Variants in PLXNB1 observed in about 807,000 individuals in gnomAD.
PLXNB1 encodes the protein plexin-B1.
In PLXNB1, 106 loss-of-function variants were observed where a neutral mutation model predicts 209.4. The observed-to-expected ratio is 0.51, with a 90% CI of 0.43 to 0.59. PLXNB1 has a LOEUF of 0.59. Ranked by LOEUF, PLXNB1 falls within the 20% of genes least tolerant of loss-of-function variation. PLXNB1 has a pLI of 0.00. For missense variants in PLXNB1, 2,357 were observed against 2,853.2 expected, an observed-to-expected ratio of 0.83 and a Z score of 3.96; for synonymous variants, 1,167 against 1,183.2, an observed-to-expected ratio of 0.99 and a Z score of 0.28.
In PLXNB1 at chr3:48,420,879, C is replaced by T; in HGVS notation, c.1888G>A (p.Val630Met). 2 of 1,614,080 alleles carry T rather than the reference C, an allele frequency of 1.2e-6. No individual in the cohort carries two copies. The highest frequency in any genetic ancestry group is 1.7e-6 in the Non-Finnish European group (2 of 1,179,902). Residue 630 changes from valine to methionine, a missense_variant, in exon 9 of 38, where the codon GTG (valine) becomes ATG (methionine). Val to Met is a conservative substitution (Grantham distance 21). Coordinates refer to ENST00000296440, the MANE Select transcript of PLXNB1 (RefSeq NM_001130082.3). ...GATGGGCGGAGTTCAGTGACCGCCA[C>T]ACAGTCATAGAAAGAGAGGGAAGTT... ...AKTSLSFYDC[V>M]AVTELRPSAQ... is the part of the protein sequence containing the mutation.
chr3:48,423,670 C>A lies in PLXNB1; in HGVS notation c.942G>T (p.Gly314=). ...CACAGAGGGCAGAGGCTCCAGATGC[C>A]CCAGCAGCCGCCGATGGGGGCCGGC... ...TVGRPPSAAA[G]ASGASALCAF... Residue 314 remains glycine (G), a synonymous_variant, in exon 3 of 38, where the codon GGG becomes GGT. Transcript: ENST00000296440. 1 of 1,613,520 alleles carries A rather than the reference C, an allele frequency of 6.2e-7. No individual in the cohort carries two copies. Among genetic ancestry groups the A allele is most frequent in the Non-Finnish European group, 8.5e-7 (1 of 1,179,856 alleles).
rs751003437 is a variant in PLXNB1, at chr3:48,409,681, G to T, written c.5829C>A (p.Thr1943=). 1.2e-6 allele frequency: 2 copies of T among 1,613,898 alleles called. No homozygotes were observed. The highest frequency in any genetic ancestry group is 1.7e-6 in the Non-Finnish European group (2 of 1,180,014). The stretch of plus-strand genomic sequence containing the variant: ...TCACAGCGAGCGGCACGGGGCGGCT[G>T]GTGCTGAGAATCACCTGGAACAGGT... ...VDDLFQVILS[T]SRPVPLAVKY... The change falls in exon 33 of 38, where the codon ACC becomes ACA. Residue 1943 remains threonine, a synonymous_variant. Transcript: ENST00000296440. The surrounding 1 kb of genome is among the most constrained non-coding windows in gnomAD (Gnocchi z 5.8).
In PLXNB1 at chr3:48,411,890, G is replaced by A; in HGVS notation, c.5220C>T (p.Leu1740=). The A allele has an allele frequency of 4.3e-6, 7 of 1,614,124 alleles. No individual in the cohort carries two copies. Among genetic ancestry groups the A allele is most frequent in the Non-Finnish European group, 5.9e-6 (7 of 1,180,016 alleles). Residue 1740 remains leucine, a synonymous_variant, in exon 28 of 38, where the codon CTC becomes CTT. Coordinates refer to ENST00000296440, the MANE Select transcript of PLXNB1 (RefSeq NM_001130082.3). The surrounding 1 kb of genome is among the most constrained non-coding windows in gnomAD (Gnocchi z 4.0). ...GGGGACGGTACTCCACATCCTCTCT[G>A]AGCAGGCGGTTGTCGTTCAAGGTGT... The part of the protein sequence containing the change: ...AKYTLNDNRL[L]REDVEYRPLT...
In PLXNB1 at chr3:48,416,703, T is replaced by TA. The variant is rs935129821; in HGVS notation, c.3375-253dup. ...CAGGGGCCCCCAATAAGGAAGAATTTATCTGTGGCATAAATTTACAAAGGG... is the reference window on the plus strand; with the variant it reads ...CAGGGGCCCCCAATAAGGAAGAATTTAATCTGTGGCATAAATTTACAAAGGG... On this transcript the variant is annotated intron_variant, in intron 16 of 37. Transcript: ENST00000296440. This position sits in a 1 kb window ranked among gnomAD's most constrained non-coding sequence, Gnocchi z 4.1. 2 of 353,640 alleles carry TA rather than the reference T, an allele frequency of 5.7e-6. No individual in the cohort carries two copies. Among genetic ancestry groups the TA allele is most frequent in the Admixed American group, 9.4e-5 (2 of 21,180 alleles). The allele number at this position is 353,640 out of a possible 1,614,324, so 21.9% of individuals were successfully genotyped here.
chr3:48,426,576 G>A (rs1289426930), intron 1 of PLXNB1, among the ~76,000 whole-genome samples: 1 of 152,228 alleles, frequency 6.6e-6, no homozygotes, highest in Non-Finnish European at 1.5e-5. Flanking sequence ...AACAGGGCCG[G>A]GCACAAGGCT....
Position 48,423,682 on chromosome 3 carries a change from C to A in PLXNB1, c.930G>T (p.Ser310=). Reference sequence around the variant, plus strand: ...AGGCTCCAGATGCCCCAGCAGCCGCCGATGGGGGCCGGCCCACAGTGGGGG... The same window carrying A: ...AGGCTCCAGATGCCCCAGCAGCCGCAGATGGGGGCCGGCCCACAGTGGGGG... ...AAPPTVGRPP[S]AAAGASGASA... Residue 310 remains serine, a synonymous_variant, in exon 3 of 38, where the codon TCG becomes TCT. Transcript: ENST00000296440. 6.2e-7 allele frequency: 1 copy of A among 1,613,732 alleles called. No individual in the cohort carries two copies. Among genetic ancestry groups the A allele is most frequent in the Non-Finnish European group, 8.5e-7 (1 of 1,179,898 alleles).
intron 1 of PLXNB1, among the ~76,000 whole-genome samples, chr3:48,427,760 C>T (rs560320523): frequency 1.1e-3 from 167 of 152,344 alleles, no homozygotes; most frequent in African/African-American, 3.9e-3. Flanking sequence ...TTAACTCCTA[C>T]ACCAACCATC....
chr3:48,430,084 A>G lies in PLXNB1; in HGVS notation c.-136T>C, dbSNP rs1185641380. 1 of 151,896 alleles carries G rather than the reference A, an allele frequency of 6.6e-6. No homozygotes were observed. Among genetic ancestry groups the G allele is most frequent in the South Asian group, 2.1e-4 (1 of 4,714 alleles). The allele number at this position is 151,896 out of a possible 1,614,324, so 9.4% of individuals were successfully genotyped here. A position where few individuals can be genotyped will look rare whatever the true frequency, so the allele number is the denominator to read the frequency against. The stretch of plus-strand genomic sequence containing the variant: ...GCCCCTGCTCACCGCCCCTGCTCCC[A>G]CTACTCCCCAACAGCCAATCCCTCC... On this transcript the variant is annotated 5_prime_UTR_variant, in exon 1 of 38. Transcript: ENST00000296440.
Position 48,404,219 on chromosome 3 carries a change from C to T in PLXNB1, c.*267G>A. 1 of 467,800 alleles carries T rather than the reference C, an allele frequency of 2.1e-6. No homozygotes were observed. The highest frequency in any genetic ancestry group is 3.8e-6 in the Non-Finnish European group (1 of 262,868). The allele number at this position is 467,800 out of a possible 1,614,324, so 29.0% of individuals were successfully genotyped here. A position where few individuals can be genotyped will look rare whatever the true frequency, so the allele number is the denominator to read the frequency against. On this transcript the variant is annotated 3_prime_UTR_variant, in exon 38 of 38. Transcript: ENST00000296440. ...TCTCTTCCAGCCACTCTCTGGAAGC[C>T]CTTAGTCCCCAACTCCCTGCAGACC...
chr3:48,419,879 C>T lies in PLXNB1; in HGVS notation c.2407G>A (p.Ala803Thr). The T allele has an allele frequency of 6.4e-7, 1 of 1,566,126 alleles. No homozygotes were observed. The highest frequency in any genetic ancestry group is 8.7e-7 in the Non-Finnish European group (1 of 1,154,072). ...SPSEVAAVPP[A>T]DPGPEALHPT... Reference sequence around the variant, plus strand: ...TGAAGAGCCTCGGGGCCAGGGTCTGCAGGGGGCACTGCTGCTACCTCTGAG... The same window carrying T: ...TGAAGAGCCTCGGGGCCAGGGTCTGTAGGGGGCACTGCTGCTACCTCTGAG... The change falls in exon 11 of 38, where the codon GCA becomes ACA. Residue 803 changes from alanine to threonine, a missense_variant. Ala to Thr is a moderately conservative substitution (Grantham distance 58). Coordinates refer to ENST00000296440, the MANE Select transcript of PLXNB1 (RefSeq NM_001130082.3). The surrounding 1 kb of genome is among the most constrained non-coding windows in gnomAD (Gnocchi z 5.7).
chr3:48,412,031 G>A (rs1201161572), intron 27 of PLXNB1, 22 bp from the exon 28 acceptor site: 2 of 1,613,348 alleles, frequency 1.2e-6, no homozygotes, highest in East Asian at 2.2e-5. Context: ...CAGGCAGTTA[G>A]GGCCCCCCAG....
rs1488050644 is a variant in PLXNB1, at chr3:48,422,429, G to T, written c.1321C>A (p.Pro441Thr). 1 of 1,597,522 alleles carries T rather than the reference G, an allele frequency of 6.3e-7. No individual in the cohort carries two copies. Among genetic ancestry groups the T allele is most frequent in the Admixed American group, 1.7e-5 (1 of 57,960 alleles). ...VYLGPGSDGH[P>T]YSTQSIQQGS... ...TGCTGGATGCTCTGTGTGGAGTATGGGTGGCCATCGCTCCCTGGGCCCAAG... is the reference window on the plus strand; with the variant it reads ...TGCTGGATGCTCTGTGTGGAGTATGTGTGGCCATCGCTCCCTGGGCCCAAG... The change falls in exon 5 of 38, where the codon CCA (proline) becomes ACA (threonine). Residue 441 changes from proline (P) to threonine (T), a missense_variant. Around this residue, in one of 7 missense-constraint regions of PLXNB1, gnomAD observed 404 missense variants for 443.6 expected, o/e 0.91. Coordinates refer to ENST00000296440, the MANE Select transcript of PLXNB1 (RefSeq NM_001130082.3).
chr3:48,418,667 C>A lies in PLXNB1; in HGVS notation c.2956-125G>T. On this transcript the variant is annotated intron_variant, in intron 13 of 37. Coordinates refer to ENST00000296440, the MANE Select transcript of PLXNB1 (RefSeq NM_001130082.3). This position sits in a 1 kb window ranked among gnomAD's most constrained non-coding sequence, Gnocchi z 6.6. ...ATAGGGTCAGAGGGACCCCATGGGG[C>A]CACAAGTTGGAGGGCAGAGCCAGAA... 1 of 939,224 alleles carries A rather than the reference C, an allele frequency of 1.1e-6. No individual in the cohort carries two copies. 58.2% of individuals were successfully genotyped at this position (939,224 alleles called of 1,614,324 possible). A position where few individuals can be genotyped will look rare whatever the true frequency, so the allele number is the denominator to read the frequency against.
rs984038226 is a variant in PLXNB1 at position 48,406,569 on chromosome 3, T to C, written c.6228+254A>G. The C allele has an allele frequency of 2.0e-6, 2 of 985,260 alleles. No homozygotes were observed. The highest frequency in any genetic ancestry group is 3.5e-5 in the African/African-American group (2 of 57,224). The allele number at this position is 985,260 out of a possible 1,614,324, so 61.0% of individuals were successfully genotyped here. ...GGCCTGGGGCTGAATCCCAGCTACCTTGCAAGAGCCTGGCTGAATCAGGGT... is the reference window on the plus strand; with the variant it reads ...GGCCTGGGGCTGAATCCCAGCTACCCTGCAAGAGCCTGGCTGAATCAGGGT... On this transcript the variant is annotated intron_variant, in intron 36 of 37. Transcript: ENST00000296440. This position sits in a 1 kb window ranked among gnomAD's most constrained non-coding sequence, Gnocchi z 4.4.
At position 48,418,013 on chromosome 3, in the gene PLXNB1, C is replaced by A; in HGVS notation, c.3272G>T (p.Arg1091Met). 1 of 1,613,546 alleles carries A rather than the reference C, an allele frequency of 6.2e-7. No individual in the cohort carries two copies. The highest frequency in any genetic ancestry group is 8.5e-7 in the Non-Finnish European group (1 of 1,180,016). ...CACATGCTGGCCCAGGTTGGAGCCCCTGATGGTGACACGGGTGCCTCCGTC... is the reference window on the plus strand; with the variant it reads ...CACATGCTGGCCCAGGTTGGAGCCCATGATGGTGACACGGGTGCCTCCGTC... ...PVDGGTRVTI[R>M]GSNLGQHVQD... Residue 1091 changes from arginine to methionine, a missense_variant, in exon 16 of 38, where the codon AGG becomes ATG. Physicochemically the swap from Arg to Met is moderately conservative, Grantham distance 91. Transcript: ENST00000296440. This position sits in a 1 kb window ranked among gnomAD's most constrained non-coding sequence, Gnocchi z 6.6.
Position 48,415,907 on chromosome 3 carries a change from T to A in PLXNB1, c.3617+124A>T. The A allele has an allele frequency of 7.4e-7, 1 of 1,357,456 alleles. No individual in the cohort carries two copies. The highest frequency in any genetic ancestry group is 1.0e-6 in the Non-Finnish European group (1 of 996,514). The allele number at this position is 1,357,456 out of a possible 1,614,324, so 84.1% of individuals were successfully genotyped here. On this transcript the variant is annotated intron_variant, in intron 18 of 37. Coordinates refer to ENST00000296440, the MANE Select transcript of PLXNB1 (RefSeq NM_001130082.3). This position sits in a 1 kb window ranked among gnomAD's most constrained non-coding sequence, Gnocchi z 5.0. ...TCCCACCACAGCTGGCTAGGGAGGG[T>A]CTGGCCACTCTCTGAAGGAGCAGAC...
intron 26 of PLXNB1, 65 bp downstream of exon 26, chr3:48,412,377 C>G: frequency 1.2e-6 from 2 of 1,611,004 alleles, no homozygotes; most frequent in East Asian, 2.2e-5. Flanking sequence ...GCAGACCCCC[C>G]AGCCCGAGGC....
chr3:48,423,479 A>G (rs763437888), intron 3 of PLXNB1, 26 bp downstream of exon 3: 9 of 1,598,416 alleles, frequency 5.6e-6, no homozygotes, highest in Non-Finnish European at 6.8e-6. Flanking sequence ...AGAGAGGCGG[A>G]AAAGTGGGGC....
chr3:48,413,266 C>T lies in PLXNB1; in HGVS notation c.4536-97G>A. On this transcript the variant is annotated intron_variant, in intron 23 of 37. Coordinates refer to ENST00000296440, the MANE Select transcript of PLXNB1 (RefSeq NM_001130082.3). This position sits in a 1 kb window ranked among gnomAD's most constrained non-coding sequence, Gnocchi z 5.4. ...AGGCACACCCCGGCCTCATCCAGCA[C>T]AGTCCAATGCAGCCATGCCAGCCAA... 3.2e-6 allele frequency: 3 copies of T among 924,534 alleles called. No individual in the cohort carries two copies. The highest frequency in any genetic ancestry group is 5.2e-6 in the Non-Finnish European group (3 of 577,910). The allele number at this position is 924,534 out of a possible 1,614,324, so 57.3% of individuals were successfully genotyped here.
Sources: allele counts gnomAD v4.1 joint callset (sites outside exome capture counted in the v4.1 genomes callset), GRCh38; gene constraint gnomAD v4.1.1; regional missense constraint gnomAD v4.1.1; non-coding constraint Gnocchi (gnomAD v3.1); transcripts MANE v1.5; gene names NCBI Gene and HGNC (gene_info 2026-07-23, HGNC 2026-07-21).